PARD3B: variants seen among roughly 807,000 people sequenced by gnomAD.
PARD3B encodes the protein partitioning defective 3 homolog B.
PARD3B carries 103 observed loss-of-function variants against 130.2 expected under a neutral mutation model. The observed-to-expected ratio is 0.79, with a 90% CI of 0.67 to 0.93. The LOEUF (loss-of-function observed/expected upper bound fraction) is 0.93. PARD3B is among the 40% of genes least tolerant of loss of function. The pLI, the probability that PARD3B is intolerant of heterozygous loss-of-function variation, is 0.00. For missense variants in PARD3B, 1,609 were observed against 1,499.2 expected (o/e 1.07, Z -1.21); for synonymous variants, 583 against 553.2 (o/e 1.05, Z -0.76).
intron 1 of PARD3B, among the ~76,000 whole-genome samples, chr2:204,603,501 A>G (rs762660215): frequency 3.6e-4 from 55 of 152,302 alleles, no homozygotes; most frequent in Non-Finnish European, 6.8e-4. Context: ...ATCTCTGAGG[A>G]CTATCAGGAA....
At chr2:205,521,607 A>AATAGCCCTTGCAGTTCT (rs1161706144) in intron 21 of PARD3B, among the ~76,000 whole-genome samples, 1 of 152,080 alleles carries the variant, frequency 6.6e-6, no homozygotes, top group Non-Finnish European at 1.5e-5. Context: ...TCTAATGTTG[A>AATAGCCCTTGCAGTTCT]ATAGCCCTTG....
chr2:205,083,457 G>A (rs1490320866), intron 4 of PARD3B, among the ~76,000 whole-genome samples: 1 of 151,812 alleles, frequency 6.6e-6, no homozygotes, highest in African/African-American at 2.4e-5. Flanking sequence ...TCAACATCAT[G>A]GTAGAAAAAG....
rs6732483 is a variant in PARD3B, at chr2:204,879,294, G to T, written c.223-85858G>T. On this transcript the variant is annotated intron_variant, in intron 2 of 22. Transcript: ENST00000406610. ...CGTGACAGGCAACCCACAAAGTGTA[G>T]TTGGTTTTGGTGCTTGGGGTAAGAA... Among the ~76,000 whole-genome samples the T allele has an allele frequency of 4.9e-3, 745 of 152,272 alleles. 3 individuals are homozygous for T. The highest frequency in any genetic ancestry group is 0.013 in the African/African-American group (545 of 41,556).
At chr2:204,724,924 T>C (rs2039159171) in intron 2 of PARD3B, among the ~76,000 whole-genome samples, 1 of 152,116 alleles carries the variant, frequency 6.6e-6, no homozygotes, top group Admixed American at 6.6e-5. Flanking sequence ...ACTGATCCAG[T>C]CTATTTGCAG....
intron 21 of PARD3B, among the ~76,000 whole-genome samples, chr2:205,547,862 T>C (rs1270636337): frequency 6.6e-6 from 1 of 152,134 alleles, no homozygotes; most frequent in Non-Finnish European, 1.5e-5. Flanking sequence ...TGCCAGTACA[T>C]TGGCTGCAAG....
intron 3 of PARD3B, among the ~76,000 whole-genome samples, chr2:204,994,439 G>A (rs1312543166): frequency 5.6e-5 from 7 of 124,160 alleles, no homozygotes; most frequent in Non-Finnish European, 1.2e-4. Context: ...ACTGTGGTCT[G>A]AGAGATAGTT....
chr2:204,823,193 A>G (rs1184415292), intron 2 of PARD3B, among the ~76,000 whole-genome samples: 3 of 152,182 alleles, frequency 2.0e-5, no homozygotes, highest in African/African-American at 7.2e-5. Context: ...GGTTAGTGAA[A>G]GAACAAAGAA....
At chr2:205,168,312 A>T (rs377165212) in intron 11 of PARD3B, among the ~76,000 whole-genome samples, 123 of 116,794 alleles carry the variant, frequency 1.1e-3, no homozygotes, top group African/African-American at 2.5e-3. Context: ...AGAGAGAGAG[A>T]GAGAGAGAGT....
At position 205,458,903 on chromosome 2, in the gene PARD3B, A is replaced by G. The variant is rs1260933788; in HGVS notation, c.3044+18231A>G. 1.3e-5 allele frequency among the ~76,000 whole-genome samples: 2 copies of G among 152,178 alleles called. No homozygotes were observed. The highest frequency in any genetic ancestry group is 2.4e-5 in the African/African-American group (1 of 41,452). ...CTTAATGCAGTCTTTGATTGAGATCACTAGAAGCTGGATTTTAGTTATGTG... is the reference window on the plus strand; with the variant it reads ...CTTAATGCAGTCTTTGATTGAGATCGCTAGAAGCTGGATTTTAGTTATGTG... On this transcript the variant is annotated intron_variant, in intron 20 of 22. Transcript: ENST00000406610. This position sits in a 1 kb window ranked among gnomAD's most constrained non-coding sequence, Gnocchi z 4.8.
intron 21 of PARD3B, among the ~76,000 whole-genome samples, chr2:205,543,766 C>A (rs1344552174): frequency 1.3e-5 from 2 of 152,128 alleles, no homozygotes; most frequent in African/African-American, 4.8e-5. Flanking sequence ...CTAGAGAGTC[C>A]TTTCTTTTGG....
intron 18 of PARD3B, among the ~76,000 whole-genome samples, chr2:205,326,438 A>G (rs1278992975): frequency 6.6e-6 from 1 of 152,194 alleles, no homozygotes; most frequent in African/African-American, 2.4e-5. Flanking sequence ...GATGGGGTTA[A>G]TCTTTTTAGG....
At chr2:204,862,403 C>T (rs1192656655) in intron 2 of PARD3B, among the ~76,000 whole-genome samples, 1 of 152,094 alleles carries the variant, frequency 6.6e-6, no homozygotes, top group African/African-American at 2.4e-5. Context: ...GATTCCAGGG[C>T]ATAATTTATT....
At chr2:205,548,295 T>C (rs926912869) in intron 21 of PARD3B, among the ~76,000 whole-genome samples, 1 of 152,110 alleles carries the variant, frequency 6.6e-6, no homozygotes. Context: ...TAGTCCAGAC[T>C]TCTCTAAGTT....
At chr2:205,252,980 A>AT (rs938202196) in intron 16 of PARD3B, among the ~76,000 whole-genome samples, 5 of 151,578 alleles carry the variant, frequency 3.3e-5, no homozygotes, top group East Asian at 3.9e-4. Flanking sequence ...AGCTTTGAGT[A>AT]TTTTTTTTAA....
chr2:205,395,573 C>T (rs2045998054), intron 18 of PARD3B, among the ~76,000 whole-genome samples: 1 of 152,120 alleles, frequency 6.6e-6, no homozygotes, highest in Admixed American at 6.6e-5. Context: ...TGGAATTTCC[C>T]AAAGATATAT....
At position 205,309,993 on chromosome 2, in the gene PARD3B, T is replaced by C. The variant is rs773765065; in HGVS notation, c.2630+8292T>C. On this transcript the variant is annotated intron_variant, in intron 18 of 22. Transcript: ENST00000406610. The surrounding 1 kb of genome is among the most constrained non-coding windows in gnomAD (Gnocchi z 4.7). ...GTATGCAACATGATGTTTTAATATA[T>C]ATACACAATGTGGAAGGGCTAAAAC... Among the ~76,000 whole-genome samples, 2 of 151,938 alleles carry C rather than the reference T, an allele frequency of 1.3e-5. No homozygotes were observed. The highest frequency in any genetic ancestry group is 2.4e-5 in the African/African-American group (1 of 41,350).
intron 22 of PARD3B, among the ~76,000 whole-genome samples, chr2:205,561,658 G>A (rs2053142004): frequency 1.3e-5 from 2 of 152,208 alleles, no homozygotes; most frequent in African/African-American, 2.4e-5. Flanking sequence ...ATCATGGCCA[G>A]TGGCTTTGAC....
At chr2:205,411,360 A>G (rs1372277542) in intron 19 of PARD3B, among the ~76,000 whole-genome samples, 1 of 152,172 alleles carries the variant, frequency 6.6e-6, no homozygotes, top group Non-Finnish European at 1.5e-5. Flanking sequence ...TTTGGGACCA[A>G]CTAATGTAGG....
intron 1 of PARD3B, among the ~76,000 whole-genome samples, chr2:204,657,187 T>C (rs144551225): frequency 4.4e-4 from 67 of 152,344 alleles, no homozygotes; most frequent in African/African-American, 1.5e-3. Flanking sequence ...CTACTCCAGC[T>C]GTGTTCTTTA....
Sources: gnomAD v4.1 joint callset for allele counts (sites outside exome capture counted in the v4.1 genomes callset) on GRCh38, gnomAD v4.1.1 for gene constraint, Gnocchi (gnomAD v3.1) non-coding constraint, MANE v1.5 for transcripts, NCBI Gene and HGNC (gene_info 2026-07-23, HGNC 2026-07-21) for gene names.